The following NTM variants were observed in gnomAD, a reference collection of about 807,000 sequenced individuals.
NTM encodes IgLON family member 2.
In NTM, 13 loss-of-function variants were observed where a neutral mutation model predicts 42.1. The ratio of observed to expected loss-of-function variants is 0.31; its 90% CI spans 0.20 to 0.49. The LOEUF is 0.49. NTM is among the 20% of genes least tolerant of loss of function. The pLI is 0.99. For missense variants in NTM, 373 were observed against 452.8 expected (o/e 0.82, Z 1.60); for synonymous variants, 187 against 179.2 (o/e 1.04, Z -0.35).
At chr11:131,984,890 C>T (rs935361594) in intron 2 of NTM, among the ~76,000 whole-genome samples, 1 of 152,032 alleles carries the variant, frequency 6.6e-6, no homozygotes, top group Non-Finnish European at 1.5e-5. Flanking sequence ...AAAGAAAGGG[C>T]GTGGAAAGGA....
At chr11:131,692,720 A>C (rs745486633) in intron 1 of NTM, among the ~76,000 whole-genome samples, 1 of 152,216 alleles carries the variant, frequency 6.6e-6, no homozygotes, top group Non-Finnish European at 1.5e-5. Flanking sequence ...ACACAAATGC[A>C]GAGAATCAGG....
intron 1 of NTM, among the ~76,000 whole-genome samples, chr11:131,400,979 CCACACA>C (rs56256717): frequency 0.81 from 115,227 of 141,546 alleles, 47,153 homozygotes; most frequent in Non-Finnish European, 0.86. Flanking sequence ...CTGCCACCTG[CCACACA>C]CACACACACA....
chr11:131,525,525 C>A lies in NTM; in HGVS notation c.82+154637C>A, dbSNP rs908152150. ...GGGTGGGCCAGGAGTCAAAGGTAGC[C>A]AGAAGGAGCCTAGCTAATGGACTGG... On this transcript the variant is annotated intron_variant, in intron 1 of 8. Coordinates refer to ENST00000683400, the MANE Select transcript of NTM (RefSeq NM_001352005.2). 1.2e-4 allele frequency among the ~76,000 whole-genome samples: 18 copies of A among 152,262 alleles called. No individual in the cohort carries two copies. In the South Asian group the frequency reaches 3.7e-3, roughly 32 times the overall value.
In NTM at chr11:132,310,648, A is replaced by G. The variant is rs186662031; in HGVS notation, c.782+416A>G. ...TGGGAGTGGCTAATAAGTTAGCTGC[A>G]GCTAGTAGGTCTCCCCTCCTGTTCC... On this transcript the variant is annotated intron_variant, in intron 6 of 8. Transcript: ENST00000683400. Among the ~76,000 whole-genome samples, 394 of 152,286 alleles carry G rather than the reference A, an allele frequency of 2.6e-3. 2 individuals are homozygous for G. Among genetic ancestry groups the G allele is most frequent in the Non-Finnish European group, 4.0e-3 (275 of 68,026 alleles).
intron 1 of NTM, among the ~76,000 whole-genome samples, chr11:131,388,136 C>A (rs759922245): frequency 1.7e-4 from 26 of 152,296 alleles, no homozygotes; most frequent in Non-Finnish European, 2.5e-4. Flanking sequence ...GAAAAGGAAG[C>A]AGCAGCATGG....
At chr11:132,195,348 T>C (rs990887368) in intron 3 of NTM, among the ~76,000 whole-genome samples, 1 of 151,994 alleles carries the variant, frequency 6.6e-6, no homozygotes, top group African/African-American at 2.4e-5. Flanking sequence ...GAAGAATCAA[T>C]ATTGTTAAAA....
At chr11:132,103,622 C>G (rs1362446883) in intron 2 of NTM, among the ~76,000 whole-genome samples, 1 of 152,208 alleles carries the variant, frequency 6.6e-6, no homozygotes, top group Non-Finnish European at 1.5e-5. Context: ...ATGGCACCTG[C>G]TCTTTCCTTT....
intron 2 of NTM, among the ~76,000 whole-genome samples, chr11:132,105,460 A>G (rs2062245983): frequency 6.6e-6 from 1 of 152,172 alleles, no homozygotes; most frequent in South Asian, 2.1e-4. Flanking sequence ...GAAAGGGAAG[A>G]GGAGCATAGT....
intron 1 of NTM, among the ~76,000 whole-genome samples, chr11:131,787,052 C>T (rs1047306486): frequency 5.3e-5 from 8 of 152,184 alleles, no homozygotes; most frequent in Middle Eastern, 6.8e-3. Context: ...ATAACTAAGA[C>T]CAAATGTTTG....
At chr11:131,597,691 G>C (rs2059933777) in intron 1 of NTM, among the ~76,000 whole-genome samples, 1 of 152,232 alleles carries the variant, frequency 6.6e-6, no homozygotes, top group Non-Finnish European at 1.5e-5. Flanking sequence ...AGGTGCCCCA[G>C]AGTGAGGGGG....
chr11:132,015,640 A>ATTTTT (rs1405005302), intron 2 of NTM, among the ~76,000 whole-genome samples: 1 of 149,884 alleles, frequency 6.7e-6, no homozygotes, highest in Non-Finnish European at 1.5e-5. Context: ...TAGATATTTT[A>ATTTTT]TTTTATTTTA....
At chr11:131,868,985 C>T (rs2047499374) in intron 1 of NTM, among the ~76,000 whole-genome samples, 1 of 152,118 alleles carries the variant, frequency 6.6e-6, no homozygotes, top group Admixed American at 6.5e-5. Flanking sequence ...AAGTATTTGA[C>T]CTTACATACA....
chr11:131,426,023 C>CT (rs1264917772), intron 1 of NTM, among the ~76,000 whole-genome samples: 1 of 152,110 alleles, frequency 6.6e-6, no homozygotes, highest in African/African-American at 2.4e-5. Context: ...GAGATGCTTT[C>CT]TGGAGGTGGT....
chr11:131,633,698 C>T (rs942188838), intron 1 of NTM, among the ~76,000 whole-genome samples: 12 of 31,260 alleles, frequency 3.8e-4, no homozygotes, highest in South Asian at 1.5e-3. Flanking sequence ...TCTCTCCCTC[C>T]CTCTCTCCTT....
chr11:131,998,962 C>G (rs991476543), intron 2 of NTM, among the ~76,000 whole-genome samples: 6 of 152,126 alleles, frequency 3.9e-5, no homozygotes, highest in Non-Finnish European at 8.8e-5. Context: ...GGCGGATTTC[C>G]AAGACACTGA....
At chr11:131,407,194 T>G (rs1945894544) in intron 1 of NTM, among the ~76,000 whole-genome samples, 1 of 152,130 alleles carries the variant, frequency 6.6e-6, no homozygotes, top group Non-Finnish European at 1.5e-5. Context: ...GACTGGATTT[T>G]TAAAAGGAAG....
At chr11:131,453,573 CA>C (rs1428581531) in intron 1 of NTM, among the ~76,000 whole-genome samples, 1 of 151,794 alleles carries the variant, frequency 6.6e-6, no homozygotes, top group African/African-American at 2.4e-5. Context: ...CACAAGCAAA[CA>C]AAAGAAGAGT....
At chr11:131,819,847 G>A (rs897080109) in intron 1 of NTM, among the ~76,000 whole-genome samples, 1 of 152,172 alleles carries the variant, frequency 6.6e-6, no homozygotes, top group Non-Finnish European at 1.5e-5. Flanking sequence ...GAGAGCAGCA[G>A]CACCCTGTTA....
chr11:131,878,473 G>A (rs985087337), intron 1 of NTM, among the ~76,000 whole-genome samples: 1 of 148,838 alleles, frequency 6.7e-6, no homozygotes, highest in Non-Finnish European at 1.5e-5. Context: ...AGGAGGCTGA[G>A]GCAGGAGAAT....
Sources: gnomAD v4.1 joint callset for allele counts (sites outside exome capture counted in the v4.1 genomes callset) on GRCh38, gnomAD v4.1.1 for gene constraint, MANE v1.5 for transcripts, NCBI Gene and HGNC (gene_info 2026-07-23, HGNC 2026-07-21) for gene names.